Variants in ANTXR2 observed in about 807,000 individuals in gnomAD.
ANTXR2 encodes ANTXR cell adhesion molecule 2.
In ANTXR2, 44 loss-of-function variants were observed where a neutral mutation model predicts 73.7. That is an observed-to-expected ratio of 0.60 (90% CI 0.47 to 0.77). The LOEUF (loss-of-function observed/expected upper bound fraction) is 0.77, where lower values mean the gene tolerates loss of function less well. ANTXR2 is among the 30% of genes least tolerant of loss of function. The pLI is 0.00. For synonymous variants in ANTXR2, 217 were observed against 205.9 expected (o/e 1.05, Z -0.46); for missense variants, 604 against 592.5 (o/e 1.02, Z -0.20).
intron 7 of ANTXR2, among the ~76,000 whole-genome samples, chr4:80,050,537 G>A (rs188043685): frequency 6.6e-6 from 1 of 151,560 alleles, no homozygotes; most frequent in Non-Finnish European, 1.5e-5. Context: ...TCTAACTTAG[G>A]TCATTCTCAA....
chr4:79,983,834 C>T (rs749821688), intron 14 of ANTXR2, 44 bp downstream of exon 14: 1 of 1,419,282 alleles, frequency 7.0e-7, no homozygotes. Context: ...CCTAGAAATA[C>T]ATACTCCAGA....
chr4:80,045,908 C>T (rs1278456155), intron 7 of ANTXR2, among the ~76,000 whole-genome samples: 1 of 151,666 alleles, frequency 6.6e-6, no homozygotes, highest in Non-Finnish European at 1.5e-5. Flanking sequence ...AGAACAATTG[C>T]TATTTTATAA....
chr4:80,008,429 C>T (rs2110055889), intron 12 of ANTXR2, 92 bp downstream of exon 12: 1 of 940,954 alleles, frequency 1.1e-6, no homozygotes. Flanking sequence ...TGAAACTTTG[C>T]TGTTATTAAC....
chr4:79,930,108 C>T (rs1727998062), intron 16 of ANTXR2, among the ~76,000 whole-genome samples: 1 of 152,086 alleles, frequency 6.6e-6, no homozygotes, highest in Non-Finnish European at 1.5e-5. Context: ...ATCACTATAG[C>T]ACTAATGAAT....
chr4:79,975,829 C>T (rs1729600138), intron 16 of ANTXR2, among the ~76,000 whole-genome samples: 1 of 152,002 alleles, frequency 6.6e-6, no homozygotes, highest in South Asian at 2.1e-4. Flanking sequence ...TATAAACCAA[C>T]TAGTTCTCTC....
chr4:79,977,499 T>G (rs1729686543), intron 16 of ANTXR2, 122 bp downstream of exon 16: 1 of 1,484,690 alleles, frequency 6.7e-7, no homozygotes, highest in Non-Finnish European at 8.9e-7. Context: ...AATCTACACT[T>G]GACAGTATTT....
At chr4:79,920,525 G>C (rs1024246364) in intron 16 of ANTXR2, among the ~76,000 whole-genome samples, 1 of 152,012 alleles carries the variant, frequency 6.6e-6, no homozygotes, top group African/African-American at 2.4e-5. Flanking sequence ...ACGTGTGTTG[G>C]GGATGAGTGC....
rs114708372 is a variant in ANTXR2, at chr4:79,927,338, G to A, written c.1429-19871C>T. On this transcript the variant is annotated intron_variant, in intron 16 of 16. Coordinates refer to ENST00000403729, the MANE Select transcript of ANTXR2 (RefSeq NM_058172.6). ...CACTCACCTGTGCACAGTAACTATG[G>A]AAGGTGATGGATATGTTGATCTGTT... is the stretch of plus-strand genomic sequence containing the variant. Among the ~76,000 whole-genome samples the A allele has an allele frequency of 7.6e-3, 1,141 of 150,596 alleles. 18 individuals carry two copies. Among genetic ancestry groups the A allele is most frequent in the African/African-American group, 0.027 (1,106 of 40,836 alleles).
intron 11 of ANTXR2, among the ~76,000 whole-genome samples, chr4:80,017,566 C>T (rs1338361743): frequency 6.6e-6 from 1 of 152,090 alleles, no homozygotes; most frequent in Non-Finnish European, 1.5e-5. Context: ...AGTCATTTAG[C>T]CTCAGCATCC....
rs1726928437 is a variant in ANTXR2 at position 79,906,777 on chromosome 4, T to G, written c.*652A>C. The G allele has an allele frequency of 6.6e-6, 1 of 152,650 alleles. No homozygotes were observed. The highest frequency in any genetic ancestry group is 1.5e-5 in the Non-Finnish European group (1 of 68,074). 9.5% of individuals were successfully genotyped at this position (152,650 alleles called of 1,614,324 possible). ...GAAAACTAAAGGGCAAAATCTTGCT[T>G]GCTACCAATACCTTGAGGCATCTTG... is the stretch of plus-strand genomic sequence containing the variant. On this transcript the variant is annotated 3_prime_UTR_variant, in exon 17 of 17. Transcript: ENST00000403729.
At chr4:79,984,789 G>A (rs1162660333) in intron 13 of ANTXR2, 30 bp downstream of exon 13, 1 of 1,583,174 alleles carries the variant, frequency 6.3e-7, no homozygotes, top group Admixed American at 1.7e-5. Flanking sequence ...AAAAAAAACA[G>A]CCATATCAGT....
intron 12 of ANTXR2, among the ~76,000 whole-genome samples, chr4:79,992,634 G>A (rs1352570532): frequency 6.6e-6 from 1 of 151,692 alleles, no homozygotes; most frequent in African/African-American, 2.4e-5. Context: ...ACAAAATAAA[G>A]TTAAGTTCAT....
Position 80,058,452 on chromosome 4 carries a change from T to C in ANTXR2, c.297-2439A>G, listed in dbSNP as rs542660601. Among the ~76,000 whole-genome samples the C allele has an allele frequency of 3.9e-5, 6 of 152,174 alleles. No individual in the cohort carries two copies. The South Asian group carries it at 1.2e-3, about 32-fold the overall frequency. ...ATGTGAGTCCTGGCCTTGTACTCCC[T>C]TCAGGGTAACTACCTGAAGTCTGTC... On this transcript the variant is annotated intron_variant, in intron 3 of 16. Transcript: ENST00000403729.
At chr4:79,933,205 T>C (rs1300114918) in intron 16 of ANTXR2, among the ~76,000 whole-genome samples, 1 of 152,134 alleles carries the variant, frequency 6.6e-6, no homozygotes, top group African/African-American at 2.4e-5. Flanking sequence ...TAAAAACCAA[T>C]AATGGCATAA....
chr4:79,919,904 TATATATATATATATATAAAA>T (rs1327377015), intron 16 of ANTXR2, among the ~76,000 whole-genome samples: 5 of 17,526 alleles, frequency 2.9e-4, no homozygotes, highest in African/African-American at 1.3e-3. Context: ...TATATATATA[TATATATATATATATATAAAA>T]AATGATAGGG....
chr4:80,004,972 A>C (rs1485572881), intron 12 of ANTXR2, among the ~76,000 whole-genome samples: 1 of 152,150 alleles, frequency 6.6e-6, no homozygotes, highest in Non-Finnish European at 1.5e-5. Flanking sequence ...ATCTCTGTCT[A>C]AAATATAAGT....
chr4:79,923,520 G>C (rs972256982), intron 16 of ANTXR2, among the ~76,000 whole-genome samples: 1 of 152,054 alleles, frequency 6.6e-6, no homozygotes, highest in Admixed American at 6.6e-5. Flanking sequence ...GCTGACCTTG[G>C]TGTCAGTTCC....
intron 12 of ANTXR2, among the ~76,000 whole-genome samples, chr4:79,993,474 TG>T (rs1256349491): frequency 6.6e-6 from 1 of 151,908 alleles, no homozygotes; most frequent in Non-Finnish European, 1.5e-5. Flanking sequence ...CAAGATTCTT[TG>T]GGCCTTAAAT....
At chr4:79,982,651 C>T (rs1197642654) in intron 14 of ANTXR2, among the ~76,000 whole-genome samples, 1 of 152,080 alleles carries the variant, frequency 6.6e-6, no homozygotes, top group African/African-American at 2.4e-5. Flanking sequence ...CAGTTTCTAG[C>T]ACACAAAAAT....
Sources: gnomAD v4.1 joint callset for allele counts (sites outside exome capture counted in the v4.1 genomes callset) on GRCh38, gnomAD v4.1.1 for gene constraint, MANE v1.5 for transcripts, NCBI Gene and HGNC (gene_info 2026-07-23, HGNC 2026-07-21) for gene names.